The following RNF2 variants were observed in gnomAD, a reference collection of about 807,000 sequenced individuals.
RNF2 encodes the protein E3 ubiquitin-protein ligase RING2.
Under a neutral mutation model 37.2 loss-of-function variants are expected in RNF2, and 6 were observed. The observed-to-expected ratio is 0.16, with a 90% CI of 0.09 to 0.32. The LOEUF (loss-of-function observed/expected upper bound fraction) is 0.32. Among genes scored for constraint, RNF2 ranks in the 10% least tolerant of loss-of-function variants. The pLI is 1.00. For synonymous variants in RNF2, 133 were observed against 132.7 expected, an observed-to-expected ratio of 1.00 and a Z score of -0.02; for missense variants, 251 against 404.0, an observed-to-expected ratio of 0.62 and a Z score of 3.25.
chr1:185,081,282 T>TG (rs1258552377), intron 1 of RNF2, among the ~76,000 whole-genome samples: 1 of 152,204 alleles, frequency 6.6e-6, no homozygotes, highest in African/African-American at 2.4e-5. Flanking sequence ...CTGCTAGTTG[T>TG]GGAAGTGTCT....
At chr1:185,076,676 T>A (rs12039657) in intron 1 of RNF2, among the ~76,000 whole-genome samples, 20,625 of 150,958 alleles carry the variant, frequency 0.14, 1,603 homozygotes, top group East Asian at 0.26. Flanking sequence ...GAAAAGGGTT[T>A]AAATTTTTTT....
At chr1:185,092,321 C>G (rs959041143) in intron 3 of RNF2, among the ~76,000 whole-genome samples, 3 of 152,010 alleles carry the variant, frequency 2.0e-5, no homozygotes, top group Non-Finnish European at 2.9e-5. Flanking sequence ...GGATTACAGG[C>G]GTGTATCACC....
chr1:185,074,710 G>A (rs1374752162), intron 1 of RNF2, among the ~76,000 whole-genome samples: 2 of 152,082 alleles, frequency 1.3e-5, no homozygotes, highest in East Asian at 1.9e-4. Context: ...GCATCTGAAC[G>A]TGTACAGATT....
chr1:185,058,648 ACTT>A (rs1650510457), intron 1 of RNF2, among the ~76,000 whole-genome samples: 1 of 152,178 alleles, frequency 6.6e-6, no homozygotes, highest in African/African-American at 2.4e-5. Flanking sequence ...TACTTTAACT[ACTT>A]AAGTTTTTCT....
chr1:185,088,915 A>G (rs1043230717), intron 2 of RNF2, among the ~76,000 whole-genome samples: 1 of 152,140 alleles, frequency 6.6e-6, no homozygotes, highest in Non-Finnish European at 1.5e-5. Context: ...CCATGTGCTA[A>G]TAAGTACTAT....
intron 1 of RNF2, among the ~76,000 whole-genome samples, chr1:185,075,022 G>T (rs1010428986): frequency 6.6e-6 from 1 of 152,012 alleles, no homozygotes; most frequent in Non-Finnish European, 1.5e-5. Flanking sequence ...TTGAGATGGA[G>T]CCTTGCTCTG....
chr1:185,069,251 G>C (rs904846811), intron 1 of RNF2, among the ~76,000 whole-genome samples: 1 of 151,968 alleles, frequency 6.6e-6, no homozygotes. Flanking sequence ...CCAGGAGTTC[G>C]AAACCAGTCT....
In RNF2 at chr1:185,098,198, C is replaced by G. The variant is rs777859801; in HGVS notation, c.591C>G (p.Thr197=). The change falls in exon 5 of 7, where the codon ACC becomes ACG. Residue 197 remains threonine (T), a synonymous_variant. Coordinates refer to ENST00000367510, the MANE Select transcript of RNF2 (RefSeq NM_007212.4). ...NQEAGPSNKR[T]KTSDDSGLEL... Reference sequence around the variant, plus strand: ...AAGCAGGCCCTAGTAACAAACGGACCAAAACATCTGATGATTCTGGGCTAG... The same window carrying G: ...AAGCAGGCCCTAGTAACAAACGGACGAAAACATCTGATGATTCTGGGCTAG... 2 of 1,614,162 alleles carry G rather than the reference C, an allele frequency of 1.2e-6. No individual in the cohort carries two copies. The highest frequency in any genetic ancestry group is 1.1e-5 in the South Asian group (1 of 91,078).
At chr1:185,094,289 C>T (rs2102203362) in intron 4 of RNF2, among the ~76,000 whole-genome samples, 1 of 152,100 alleles carries the variant, frequency 6.6e-6, no homozygotes, top group African/African-American at 2.4e-5. Context: ...AGTACAGGTG[C>T]ACGCCACCAT....
chr1:185,093,684 T>C (rs1476968753), intron 4 of RNF2, among the ~76,000 whole-genome samples: 2 of 152,252 alleles, frequency 1.3e-5, no homozygotes, highest in Non-Finnish European at 2.9e-5. Flanking sequence ...TTAGCAGCAT[T>C]TGACACAATT....
At chr1:185,063,115 T>C (rs1186240564) in intron 1 of RNF2, among the ~76,000 whole-genome samples, 1 of 152,240 alleles carries the variant, frequency 6.6e-6, no homozygotes, top group Non-Finnish European at 1.5e-5. Flanking sequence ...TAGCAAAATA[T>C]ACACTAAACC....
chr1:185,088,796 A>G (rs1651679427), intron 2 of RNF2, among the ~76,000 whole-genome samples: 1 of 152,206 alleles, frequency 6.6e-6, no homozygotes, highest in Non-Finnish European at 1.5e-5. Flanking sequence ...CCATGTGCTA[A>G]TAAGTACTAT....
intron 1 of RNF2, chr1:185,046,377 C>T (rs1402963974): frequency 1.3e-5 from 2 of 152,174 alleles, no homozygotes; most frequent in Non-Finnish European, 2.9e-5. Context: ...TGAACCGTGT[C>T]GTTTACGCTG....
intron 1 of RNF2, among the ~76,000 whole-genome samples, chr1:185,070,488 C>A (rs775111785): frequency 2.6e-5 from 4 of 152,098 alleles, no homozygotes; most frequent in Non-Finnish European, 5.9e-5. Context: ...GTCTTGGGAA[C>A]AAATGTATGG....
chr1:185,070,382 C>G (rs887109273), intron 1 of RNF2, among the ~76,000 whole-genome samples: 1 of 152,174 alleles, frequency 6.6e-6, no homozygotes, highest in South Asian at 2.1e-4. Context: ...CTGACTGTCT[C>G]ATTTGTTGTT....
In RNF2 at chr1:185,102,293, G is replaced by GCCTCT. The variant is rs1349095831; in HGVS notation, c.*1992_*1993insCCTCT. The GCCTCT allele has an allele frequency of 6.6e-6, 1 of 151,942 alleles. No homozygotes were observed. Among genetic ancestry groups the GCCTCT allele is most frequent in the Non-Finnish European group, 1.5e-5 (1 of 67,934 alleles). 9.4% of individuals were successfully genotyped at this position (151,942 alleles called of 1,614,324 possible). ...GGGTACGGGGAGAGGCGATGCTATT[G>GCCTCT]GCCATCACTACCAACCAGGGTTTCA... On this transcript the variant is annotated 3_prime_UTR_variant, in exon 7 of 7. Transcript: ENST00000367510.
intron 1 of RNF2, among the ~76,000 whole-genome samples, chr1:185,050,687 A>G (rs1650246125): frequency 6.6e-6 from 1 of 152,204 alleles, no homozygotes; most frequent in Non-Finnish European, 1.5e-5. Flanking sequence ...GTAAAGTGTT[A>G]CTTGATTTTA....
chr1:185,092,952 T>C, intron 3 of RNF2, 109 bp from the exon 4 acceptor site: 2 of 897,234 alleles, frequency 2.2e-6, no homozygotes, highest in East Asian at 2.6e-5. Flanking sequence ...CTGTGACTTA[T>C]TAAAGGTATT....
At chr1:185,087,492 C>G (rs188808801) in intron 1 of RNF2, 60 bp from the exon 2 acceptor site, 15 of 1,395,770 alleles carry the variant, frequency 1.1e-5, no homozygotes, top group Admixed American at 6.7e-5. Flanking sequence ...CACATACATT[C>G]AGACCATAGC....
Sources: gnomAD v4.1 joint callset for allele counts (sites outside exome capture counted in the v4.1 genomes callset) on GRCh38, gnomAD v4.1.1 for gene constraint, MANE v1.5 for transcripts, NCBI Gene and HGNC (gene_info 2026-07-23, HGNC 2026-07-21) for gene names.